PFKFB3: variants seen among roughly 807,000 people sequenced by gnomAD.
PFKFB3 encodes 6-phosphofructo-2-kinase/fructose-2,6-biphosphatase 3, also known as 6-phosphofructo-2-kinase/fructose-2,6-bisphosphatase 3.
Under a neutral mutation model 68.0 loss-of-function variants are expected in PFKFB3, and 33 were observed. The observed-to-expected ratio is 0.49, with a 90% confidence interval of 0.37 to 0.65. The LOEUF (loss-of-function observed/expected upper bound fraction) is 0.65. Ranked by LOEUF, PFKFB3 falls within the 30% of genes least tolerant of loss-of-function variation. The pLI is 0.00. For missense variants in PFKFB3, 586 were observed against 712.2 expected, an observed-to-expected ratio of 0.82 and a Z score of 2.02; for synonymous variants, 315 against 288.2, an observed-to-expected ratio of 1.09 and a Z score of -0.94.
At chr10:6,232,831 C>A in intron 14 of PFKFB3, 64 bp from the exon 15 acceptor site, 2 of 1,290,336 alleles carry the variant, frequency 1.5e-6, no homozygotes, top group Non-Finnish European at 2.2e-6. Flanking sequence ...GCGTCTTCTG[C>A]TTTAGAATTC....
rs767355262 is a variant in PFKFB3, at chr10:6,203,226, C to T, written c.-35C>T. ...TCTCCTGCCAGCGTCGGGATCTCGG[C>T]CCCGGGAGGCGGGCCGTCGGGCGCA... On this transcript the variant is annotated 5_prime_UTR_variant, in exon 1 of 15. Coordinates refer to ENST00000379775, the MANE Select transcript of PFKFB3 (RefSeq NM_004566.4). The T allele has an allele frequency of 3.8e-6, 6 of 1,599,998 alleles. No homozygotes were observed. In the African/African-American group the frequency reaches 8.1e-5, roughly 22 times the overall value.
chr10:6,242,618 C>T lies in PFKFB3; in HGVS notation c.1516-11560C>T, dbSNP rs185062074. On this transcript the variant is annotated intron_variant, in intron 14 of 14. Transcript: ENST00000640683. Reference sequence around the variant, plus strand: ...TTTTTTTTTTTTTGAGACGGAGTCTCGCTCTGTTGCCCAGGCTGGAGTGCA... The same window carrying T: ...TTTTTTTTTTTTTGAGACGGAGTCTTGCTCTGTTGCCCAGGCTGGAGTGCA... Among the ~76,000 whole-genome samples the T allele has an allele frequency of 6.8e-3, 1,032 of 151,442 alleles. 9 individuals are homozygous for T. Among genetic ancestry groups the T allele is most frequent in the Middle Eastern group, 0.045 (13 of 292 alleles).
chr10:6,158,603 C>T (rs117435716), intron 1 of PFKFB3, among the ~76,000 whole-genome samples: 1,643 of 152,212 alleles, frequency 0.011, 67 homozygotes, highest in East Asian at 0.099. Context: ...CGGTAGCTCA[C>T]GCCTGTAATC....
At chr10:6,240,978 C>T (rs1274734231) in intron 14 of PFKFB3, among the ~76,000 whole-genome samples, 2 of 151,930 alleles carry the variant, frequency 1.3e-5, no homozygotes, top group Non-Finnish European at 2.9e-5. Context: ...GATCTCAGCT[C>T]ACTGCAACCT....
At chr10:6,286,649 T>G in the PFKFB3 span, among the ~76,000 whole-genome samples, 2 of 152,308 alleles carry the variant, frequency 1.3e-5, no homozygotes, top group East Asian at 1.9e-4. Context: ...AAGTGCTGGG[T>G]TTATACATAT....
chr10:6,218,132 G>A (rs552074727), intron 6 of PFKFB3, among the ~76,000 whole-genome samples: 2 of 152,316 alleles, frequency 1.3e-5, no homozygotes, highest in East Asian at 3.9e-4. Context: ...ACCTTTCTTT[G>A]GCTGGGCACT....
intron 14 of PFKFB3, chr10:6,226,584 T>G (rs981257190): frequency 2.7e-5 from 15 of 556,070 alleles, no homozygotes; most frequent in Non-Finnish European, 4.4e-5. Context: ...GAAGTTAAGA[T>G]CCTGGGGGCT....
chr10:6,183,225 G>C (rs553966225), intron 1 of PFKFB3, among the ~76,000 whole-genome samples: 2 of 152,196 alleles, frequency 1.3e-5, no homozygotes, highest in African/African-American at 2.4e-5. Flanking sequence ...AACAGCTGCG[G>C]AATGGCTTGT....
At chr10:6,153,244 T>C (rs1841654993) in intron 1 of PFKFB3, among the ~76,000 whole-genome samples, 1 of 152,148 alleles carries the variant, frequency 6.6e-6, no homozygotes, top group African/African-American at 2.4e-5. Context: ...GAAAGGCCGA[T>C]GGGCTGCCCT....
At chr10:6,206,097 TC>T (rs1263627325) in intron 1 of PFKFB3, among the ~76,000 whole-genome samples, 2 of 150,678 alleles carry the variant, frequency 1.3e-5, no homozygotes, top group Admixed American at 6.6e-5. Context: ...TCTCTGGTTT[TC>T]CTAGGCAGAG....
chr10:6,225,653 T>C (rs1845291857), intron 13 of PFKFB3, among the ~76,000 whole-genome samples: 1 of 152,188 alleles, frequency 6.6e-6, no homozygotes, highest in South Asian at 2.1e-4. Flanking sequence ...TGCTGCACAT[T>C]TTCTGCGCCT....
the PFKFB3 span, among the ~76,000 whole-genome samples, chr10:6,276,838 T>TTGTG: frequency 0.34 from 49,870 of 147,018 alleles, 8,952 homozygotes; most frequent in East Asian, 0.72. Flanking sequence ...TTATATGTAT[T>TTGTG]TGTGTGTGTG....
the PFKFB3 span, among the ~76,000 whole-genome samples, chr10:6,319,619 C>T: frequency 6.6e-6 from 1 of 151,524 alleles, no homozygotes; most frequent in African/African-American, 2.4e-5. Context: ...ATCCATGTAA[C>T]ACGTAACAAA....
At chr10:6,223,873 T>G in intron 11 of PFKFB3, 85 bp from the exon 12 acceptor site, 1 of 1,227,438 alleles carries the variant, frequency 8.1e-7, no homozygotes, top group Non-Finnish European at 1.2e-6. Context: ...TGCCTCGGCC[T>G]CCCAAAGTGC....
At chr10:6,291,945 G>GTGT in the PFKFB3 span, among the ~76,000 whole-genome samples, 5 of 94,382 alleles carry the variant, frequency 5.3e-5, no homozygotes, top group East Asian at 3.5e-4. Context: ...GAAACCAGTG[G>GTGT]TTTTTTTTTT....
At position 6,205,974 on chromosome 10, in the gene PFKFB3, ATT is replaced by A. The variant is rs71390197; in HGVS notation, c.76+2652_76+2653del. Among the ~76,000 whole-genome samples, 1,180 of 146,060 alleles carry A rather than the reference ATT, an allele frequency of 8.1e-3. 17 individuals are homozygous for A. The highest frequency in any genetic ancestry group is 0.027 in the African/African-American group (1,071 of 39,480). On this transcript the variant is annotated intron_variant, in intron 1 of 14. Coordinates refer to ENST00000379775, the MANE Select transcript of PFKFB3 (RefSeq NM_004566.4). Reference sequence around the variant, plus strand: ...CACCACACCCGGCTAATTAAAAAAAATTTTTTTTTTTTTTTAATTGATCATTC... The same window carrying A: ...CACCACACCCGGCTAATTAAAAAAAATTTTTTTTTTTTTAATTGATCATTC...
downstream of PFKFB3, among the ~76,000 whole-genome samples, chr10:6,254,808 CTTTTTTTTTTTT>C (rs144888417): frequency 4.5e-4 from 28 of 61,640 alleles, 2 homozygotes; most frequent in South Asian, 0.012. Flanking sequence ...TTTTTCTGTT[CTTTTTTTTTTTT>C]TTTTTTTTTT....
chr10:6,285,432 C>T, the PFKFB3 span, among the ~76,000 whole-genome samples: 3 of 151,990 alleles, frequency 2.0e-5, no homozygotes, highest in African/African-American at 7.3e-5. Context: ...GGGGTTTTAC[C>T]ATGTTGGTCA....
At chr10:6,150,553 G>A (rs1360612565) in intron 1 of PFKFB3, among the ~76,000 whole-genome samples, 1 of 152,190 alleles carries the variant, frequency 6.6e-6, no homozygotes, top group Non-Finnish European at 1.5e-5. Context: ...GAACCTAGGA[G>A]GCGGAGGTTG....
Sources: allele counts gnomAD v4.1 joint callset (sites outside exome capture counted in the v4.1 genomes callset), GRCh38; gene constraint gnomAD v4.1.1; transcripts MANE v1.5; gene names NCBI Gene and HGNC (gene_info 2026-07-23, HGNC 2026-07-21).